The following MARCHF3 variants were observed in gnomAD, a reference collection of about 807,000 sequenced individuals.
The protein encoded by MARCHF3 is E3 ubiquitin-protein ligase MARCHF3.
In MARCHF3, 13 loss-of-function variants were observed where a neutral mutation model predicts 24.2. That is an observed-to-expected ratio of 0.54 (90% CI 0.35 to 0.85). MARCHF3 has a LOEUF of 0.85. MARCHF3 is among the 40% of genes least tolerant of loss of function. The pLI is 0.01. For missense variants in MARCHF3, 276 were observed against 325.0 expected (o/e 0.85, Z 1.16); for synonymous variants, 144 against 137.3 (o/e 1.05, Z -0.34).
chr5:127,029,463 G>T (rs1753102632), intron 1 of MARCHF3, among the ~76,000 whole-genome samples: 1 of 152,074 alleles, frequency 6.6e-6, no homozygotes, highest in African/African-American at 2.4e-5. Context: ...GCATGTAGTT[G>T]GTCTCAGAAA....
At chr5:127,005,660 AG>A (rs1284323973) in intron 1 of MARCHF3, among the ~76,000 whole-genome samples, 1 of 152,110 alleles carries the variant, frequency 6.6e-6, no homozygotes, top group African/African-American at 2.4e-5. Context: ...ATTGTCTCAA[AG>A]GGGTCTGTGA....
intron 1 of MARCHF3, among the ~76,000 whole-genome samples, chr5:126,989,286 C>A (rs1221364077): frequency 6.8e-6 from 1 of 147,546 alleles, no homozygotes; most frequent in Non-Finnish European, 1.5e-5. Flanking sequence ...CTCTAGAATA[C>A]TACTACTACT....
intron 1 of MARCHF3, among the ~76,000 whole-genome samples, chr5:127,020,290 T>C (rs1752753004): frequency 6.6e-6 from 1 of 152,142 alleles, no homozygotes; most frequent in African/African-American, 2.4e-5. Flanking sequence ...ACAGGCCAGA[T>C]GTTAAGGAAG....
At chr5:126,919,760 G>A (rs1749037032) in intron 1 of MARCHF3, among the ~76,000 whole-genome samples, 1 of 152,218 alleles carries the variant, frequency 6.6e-6, no homozygotes, top group Non-Finnish European at 1.5e-5. Flanking sequence ...TGCTGCTGAG[G>A]TGTCTGGCTG....
intron 1 of MARCHF3, among the ~76,000 whole-genome samples, chr5:126,977,867 CAA>C (rs1751256539): frequency 6.6e-6 from 1 of 152,150 alleles, no homozygotes; most frequent in Admixed American, 6.5e-5. Context: ...AAGTAAAACA[CAA>C]AGACATTTGT....
In MARCHF3 at chr5:126,885,990, G is replaced by GTA. The variant is rs150937892; in HGVS notation, c.394-7598_394-7597dup. Among the ~76,000 whole-genome samples, 1,202 of 147,272 alleles carry GTA rather than the reference G, an allele frequency of 8.2e-3. 8 individuals are homozygous for GTA. The highest frequency in any genetic ancestry group is 0.012 in the African/African-American group (474 of 40,348). On this transcript the variant is annotated intron_variant, in intron 3 of 4. Coordinates refer to ENST00000308660, the MANE Select transcript of MARCHF3 (RefSeq NM_178450.5). ...GTGCTGTTTTAGTCACAATTACTAT[G>GTA]TATATATATATATATATAATTTTTT...
chr5:127,008,879 A>AAATT (rs1752394414), intron 1 of MARCHF3, among the ~76,000 whole-genome samples: 1 of 134,088 alleles, frequency 7.5e-6, no homozygotes, highest in African/African-American at 2.8e-5. Context: ...TCTCTTTAAA[A>AAATT]AATTTATTTA....
At chr5:126,961,446 GA>G (rs959086993) in intron 1 of MARCHF3, among the ~76,000 whole-genome samples, 2 of 152,126 alleles carry the variant, frequency 1.3e-5, no homozygotes, top group African/African-American at 4.8e-5. Flanking sequence ...TAAGGCTGAT[GA>G]AAAGGGCAGG....
chr5:126,895,667 G>A (rs1371764908), intron 3 of MARCHF3, among the ~76,000 whole-genome samples: 3 of 152,106 alleles, frequency 2.0e-5, no homozygotes, highest in Non-Finnish European at 2.9e-5. Context: ...CAGTCTGCCC[G>A]TTCTCAGATC....
chr5:126,893,618 C>A (rs1351865701), intron 3 of MARCHF3, among the ~76,000 whole-genome samples: 1 of 150,154 alleles, frequency 6.7e-6, no homozygotes, highest in Non-Finnish European at 1.5e-5. Flanking sequence ...GATTCTTAAC[C>A]CTGAGTTCTA....
chr5:126,953,409 C>T (rs1750321117), intron 1 of MARCHF3, among the ~76,000 whole-genome samples: 2 of 152,042 alleles, frequency 1.3e-5, no homozygotes, highest in South Asian at 4.1e-4. Context: ...TTCTTTCTCT[C>T]TTTTGGGTTC....
At chr5:126,963,139 A>G (rs561903257) in intron 1 of MARCHF3, among the ~76,000 whole-genome samples, 29 of 152,280 alleles carry the variant, frequency 1.9e-4, no homozygotes, top group Admixed American at 7.2e-4. Flanking sequence ...TAGCCACTCA[A>G]TAGAGTTTTT....
intron 4 of MARCHF3, among the ~76,000 whole-genome samples, chr5:126,872,854 G>T (rs1430235590): frequency 2.0e-5 from 3 of 150,914 alleles, no homozygotes; most frequent in South Asian, 2.1e-4. Flanking sequence ...GATCAGTTTG[G>T]TTTTTTTTTC....
chr5:126,991,053 T>C (rs951541450), intron 1 of MARCHF3, among the ~76,000 whole-genome samples: 2 of 152,186 alleles, frequency 1.3e-5, no homozygotes, highest in African/African-American at 2.4e-5. Flanking sequence ...ACCGGGTATA[T>C]ACCCAAAGGA....
intron 1 of MARCHF3, among the ~76,000 whole-genome samples, chr5:126,923,828 A>G (rs1053747279): frequency 3.9e-5 from 6 of 152,256 alleles, no homozygotes; most frequent in African/African-American, 1.4e-4. Flanking sequence ...AAGAAGAGGT[A>G]GGCTCCGCAG....
intron 1 of MARCHF3, among the ~76,000 whole-genome samples, chr5:126,987,831 C>T (rs1273140348): frequency 6.6e-6 from 1 of 152,128 alleles, no homozygotes; most frequent in Non-Finnish European, 1.5e-5. Context: ...CTCTCCTCCC[C>T]TACTCCCTGC....
At chr5:126,890,180 T>G (rs1753634155) in intron 3 of MARCHF3, among the ~76,000 whole-genome samples, 1 of 152,296 alleles carries the variant, frequency 6.6e-6, no homozygotes, top group South Asian at 2.1e-4. Flanking sequence ...TTTGCTGGTC[T>G]TACTTCCTTT....
chr5:126,947,046 AAC>A (rs1750048659), intron 1 of MARCHF3, among the ~76,000 whole-genome samples: 1 of 152,184 alleles, frequency 6.6e-6, no homozygotes, highest in Non-Finnish European at 1.5e-5. Flanking sequence ...TGGAGTTGCA[AAC>A]ACCATTTGGC....
chr5:126,942,755 T>C (rs549109828), intron 1 of MARCHF3, among the ~76,000 whole-genome samples: 7 of 152,326 alleles, frequency 4.6e-5, no homozygotes, highest in African/African-American at 1.7e-4. Context: ...TGGCTTTTAT[T>C]CTAACTCTAT....
Sources: gnomAD v4.1 joint callset for allele counts (sites outside exome capture counted in the v4.1 genomes callset) on GRCh38, gnomAD v4.1.1 for gene constraint, MANE v1.5 for transcripts, NCBI Gene and HGNC (gene_info 2026-07-23, HGNC 2026-07-21) for gene names.